Variants in THSD7B observed in about 807,000 individuals in gnomAD.
The protein encoded by THSD7B is thrombospondin type-1 domain-containing protein 7B.
A neutral mutation model predicts 213.6 loss-of-function variants in THSD7B; 138 were observed. The ratio of observed to expected loss-of-function variants is 0.65; its 90% CI spans 0.56 to 0.74. The LOEUF is 0.74. THSD7B is among the 30% of genes least tolerant of loss of function. The pLI, the probability that THSD7B is intolerant of heterozygous loss-of-function variation, is 0.00. For synonymous variants in THSD7B, 742 were observed against 687.0 expected, an observed-to-expected ratio of 1.08 and a Z score of -1.25; for missense variants, 1,931 against 1,991.5, an observed-to-expected ratio of 0.97 and a Z score of 0.58.
chr2:137,187,545 A>T (rs1266451262), intron 7 of THSD7B, among the ~76,000 whole-genome samples: 3 of 152,206 alleles, frequency 2.0e-5, no homozygotes, highest in Non-Finnish European at 1.5e-5. Context: ...TGAGTTGCAC[A>T]GTTGAGACAG....
At position 137,676,749 on chromosome 2, in the gene THSD7B, A is replaced by T; in HGVS notation, c.*144A>T. 1 of 630,882 alleles carries T rather than the reference A, an allele frequency of 1.6e-6. No individual in the cohort carries two copies. The highest frequency in any genetic ancestry group is 2.4e-6 in the Non-Finnish European group (1 of 409,986). The allele number at this position is 630,882 out of a possible 1,614,324, so 39.1% of individuals were successfully genotyped here. A position where few individuals can be genotyped will look rare whatever the true frequency, so the allele number is the denominator to read the frequency against. On this transcript the variant is annotated 3_prime_UTR_variant, in exon 28 of 28. Coordinates refer to ENST00000409968, the MANE Select transcript of THSD7B (RefSeq NM_001316349.2). ...ATATTGCAAAAGTAATATTGCCTCA[A>T]CTTCATTTGGACATGGAGTCAAGGA...
At chr2:137,637,662 T>C (rs1455116950) in intron 20 of THSD7B, among the ~76,000 whole-genome samples, 1 of 142,186 alleles carries the variant, frequency 7.0e-6, no homozygotes, top group Non-Finnish European at 1.5e-5. Context: ...AATAGCATCA[T>C]TTTTTTCTTT....
chr2:137,608,345 C>A (rs369863316), intron 17 of THSD7B, among the ~76,000 whole-genome samples: 1 of 151,370 alleles, frequency 6.6e-6, no homozygotes, highest in Non-Finnish European at 1.5e-5. Flanking sequence ...ACTGCAATCA[C>A]AATACAGCTC....
chr2:136,852,920 C>G (rs1474025053), intron 1 of THSD7B, among the ~76,000 whole-genome samples: 1 of 152,062 alleles, frequency 6.6e-6, no homozygotes, highest in Non-Finnish European at 1.5e-5. Flanking sequence ...AATGTTGAAA[C>G]TGCTTCAAAT....
At chr2:136,942,688 G>C (rs1285823364) in intron 2 of THSD7B, among the ~76,000 whole-genome samples, 1 of 152,124 alleles carries the variant, frequency 6.6e-6, no homozygotes, top group Non-Finnish European at 1.5e-5. Context: ...TGTGATTTTC[G>C]CACATTGATT....
chr2:136,881,900 T>C (rs1180274241), intron 1 of THSD7B, among the ~76,000 whole-genome samples: 1 of 152,202 alleles, frequency 6.6e-6, no homozygotes, highest in Non-Finnish European at 1.5e-5. Context: ...TAAGTAGTTT[T>C]ATCATCCAGT....
intron 7 of THSD7B, among the ~76,000 whole-genome samples, chr2:137,208,619 C>CTGAG (rs1337403898): frequency 6.6e-6 from 1 of 151,970 alleles, no homozygotes; most frequent in Non-Finnish European, 1.5e-5. Flanking sequence ...AAATCAGTCT[C>CTGAG]CTCAAAGGCT....
At chr2:137,338,085 C>T (rs939354300) in intron 12 of THSD7B, among the ~76,000 whole-genome samples, 20 of 152,002 alleles carry the variant, frequency 1.3e-4, no homozygotes, top group African/African-American at 4.6e-4. Flanking sequence ...TCCTTCAATC[C>T]GTTGCAGTCA....
chr2:137,440,811 T>C (rs1251689040), intron 14 of THSD7B, among the ~76,000 whole-genome samples: 1 of 152,092 alleles, frequency 6.6e-6, no homozygotes. Context: ...TGGATTCAGG[T>C]CAGAGTTTCT....
intron 1 of THSD7B, among the ~76,000 whole-genome samples, chr2:136,832,574 A>C (rs1247472473): frequency 6.6e-6 from 1 of 152,194 alleles, no homozygotes. Context: ...TCATGTCTAC[A>C]CTGGGCACCC....
At chr2:137,186,398 C>T (rs34744173) in intron 7 of THSD7B, among the ~76,000 whole-genome samples, 10,499 of 152,000 alleles carry the variant, frequency 0.069, 385 homozygotes, top group African/African-American at 0.094. Context: ...GAGTTAATTT[C>T]TGTATATGGT....
chr2:136,933,104 C>T (rs955200884), intron 2 of THSD7B, among the ~76,000 whole-genome samples: 1 of 141,662 alleles, frequency 7.1e-6, no homozygotes, highest in Non-Finnish European at 1.6e-5. Context: ...ATATTTTGCC[C>T]GCCATTCCTT....
chr2:137,555,447 C>G (rs897534085), intron 15 of THSD7B, among the ~76,000 whole-genome samples: 1 of 152,182 alleles, frequency 6.6e-6, no homozygotes, highest in Non-Finnish European at 1.5e-5. Flanking sequence ...TGGAGTGGAC[C>G]TCCAGCAAAC....
intron 15 of THSD7B, among the ~76,000 whole-genome samples, chr2:137,508,004 A>T (rs538019556): frequency 2.0e-5 from 3 of 152,340 alleles, no homozygotes; most frequent in African/African-American, 7.2e-5. Context: ...CTCATCTTAA[A>T]AAGTAAGAAA....
intron 1 of THSD7B, among the ~76,000 whole-genome samples, chr2:136,772,139 T>C (rs1423015001): frequency 6.6e-6 from 1 of 152,044 alleles, no homozygotes; most frequent in African/African-American, 2.4e-5. Context: ...TCCCAGATTG[T>C]TGGACTGCAA....
intron 1 of THSD7B, among the ~76,000 whole-genome samples, chr2:136,776,386 G>A (rs1681605207): frequency 6.6e-6 from 1 of 152,056 alleles, no homozygotes; most frequent in Admixed American, 6.6e-5. Flanking sequence ...ACAAAAAATG[G>A]CAATAACAAT....
intron 12 of THSD7B, among the ~76,000 whole-genome samples, chr2:137,314,173 T>C (rs956128570): frequency 6.6e-6 from 1 of 152,232 alleles, no homozygotes; most frequent in Non-Finnish European, 1.5e-5. Flanking sequence ...TCTTTTCATA[T>C]AGTCCCATAT....
chr2:136,855,684 C>T (rs538691148), intron 1 of THSD7B, among the ~76,000 whole-genome samples: 64 of 151,894 alleles, frequency 4.2e-4, no homozygotes, highest in African/African-American at 1.5e-3. Context: ...GTTGGCCAAG[C>T]TGGTCTCGAA....
At chr2:137,421,085 G>A (rs1215381757) in intron 14 of THSD7B, among the ~76,000 whole-genome samples, 1 of 152,082 alleles carries the variant, frequency 6.6e-6, no homozygotes, top group East Asian at 1.9e-4. Context: ...GACCTGTGTG[G>A]ACAATTTAGG....
Sources: allele counts gnomAD v4.1 joint callset (sites outside exome capture counted in the v4.1 genomes callset), GRCh38; gene constraint gnomAD v4.1.1; transcripts MANE v1.5; gene names NCBI Gene and HGNC (gene_info 2026-07-23, HGNC 2026-07-21).